RGS10: variants seen among roughly 807,000 people sequenced by gnomAD.
The protein encoded by RGS10 is regulator of G-protein signalling 10.
In RGS10, 11 loss-of-function variants were observed where a neutral mutation model predicts 23.5. That is an observed-to-expected ratio of 0.47 (90% CI 0.29 to 0.77). The LOEUF (loss-of-function observed/expected upper bound fraction) is 0.77, where lower values mean the gene tolerates loss of function less well. Ranked by LOEUF, RGS10 falls within the 30% of genes least tolerant of loss-of-function variation. The pLI is 0.08. For synonymous variants in RGS10, 77 were observed against 83.2 expected (o/e 0.92, Z 0.41); for missense variants, 180 against 226.3 (o/e 0.80, Z 1.31).
At chr10:119,500,399 G>C in intron 4 of RGS10, 140 bp from the exon 5 acceptor site, 2 of 770,452 alleles carry the variant, frequency 2.6e-6, no homozygotes, top group South Asian at 2.5e-5. Flanking sequence ...GCTCAAATAA[G>C]TCATCTGCTA....
intron 3 of RGS10, among the ~76,000 whole-genome samples, chr10:119,518,080 C>T (rs1188009142): frequency 6.6e-6 from 1 of 152,232 alleles, no homozygotes; most frequent in Admixed American, 6.5e-5. Context: ...AAAGAAGAAA[C>T]AGTCTGTGGA....
chr10:119,527,534 C>G lies in RGS10; in HGVS notation c.50-110G>C. On this transcript the variant is annotated intron_variant, in intron 1 of 4. Coordinates refer to ENST00000369103, the MANE Select transcript of RGS10 (RefSeq NM_001005339.2). The surrounding 1 kb of genome is among the most constrained non-coding windows in gnomAD (Gnocchi z 4.2). ...CACCATCACGGCTGACATACACCGA[C>G]TTATGCGTCAGGCTCTGTTCTAGGT... 1 of 799,344 alleles carries G rather than the reference C, an allele frequency of 1.3e-6. No homozygotes were observed. 49.5% of individuals were successfully genotyped at this position (799,344 alleles called of 1,614,324 possible). A position where few individuals can be genotyped will look rare whatever the true frequency, so the allele number is the denominator to read the frequency against.
In RGS10 at chr10:119,518,000, G is replaced by A. The variant is rs1174790572; in HGVS notation, c.256-2348C>T. On this transcript the variant is annotated intron_variant, in intron 3 of 4. Transcript: ENST00000369103. The surrounding 1 kb of genome is among the most constrained non-coding windows in gnomAD (Gnocchi z 5.0). ...GAGCTAGGAAGTATGACTGAAAAGGGAAACCCTGAGACGGCGACCACAAGC... is the reference window on the plus strand; with the variant it reads ...GAGCTAGGAAGTATGACTGAAAAGGAAAACCCTGAGACGGCGACCACAAGC... Among the ~76,000 whole-genome samples the A allele has an allele frequency of 1.3e-5, 2 of 152,184 alleles. No individual in the cohort carries two copies. The highest frequency in any genetic ancestry group is 2.4e-5 in the African/African-American group (1 of 41,452).
intron 1 of RGS10, among the ~76,000 whole-genome samples, chr10:119,534,125 C>T (rs1844359147): frequency 6.6e-6 from 1 of 151,740 alleles, no homozygotes; most frequent in South Asian, 2.1e-4. Flanking sequence ...TATGGTGGTG[C>T]ACTCCTGTAA....
chr10:119,539,203 C>T (rs1277494591), intron 1 of RGS10, among the ~76,000 whole-genome samples: 1 of 152,210 alleles, frequency 6.6e-6, no homozygotes, highest in Non-Finnish European at 1.5e-5. Context: ...TGATATTCTG[C>T]AGAGAAAGTT....
At chr10:119,503,890 C>G (rs1843981330) in intron 4 of RGS10, among the ~76,000 whole-genome samples, 1 of 152,196 alleles carries the variant, frequency 6.6e-6, no homozygotes, top group South Asian at 2.1e-4. Flanking sequence ...CTTTAAAGCC[C>G]TATCTCCAAA....
chr10:119,504,653 A>G (rs1188468259), intron 4 of RGS10, among the ~76,000 whole-genome samples: 1 of 152,190 alleles, frequency 6.6e-6, no homozygotes, highest in African/African-American at 2.4e-5. Flanking sequence ...TACTGCATTT[A>G]GGGTAGGCCC....
rs1485964723 is a variant in RGS10 at position 119,527,247 on chromosome 10, G to A, written c.168+59C>T. 1 of 1,236,840 alleles carries A rather than the reference G, an allele frequency of 8.1e-7. No homozygotes were observed. Among genetic ancestry groups the A allele is most frequent in the African/African-American group, 1.5e-5 (1 of 67,714 alleles). The allele number at this position is 1,236,840 out of a possible 1,614,324, so 76.6% of individuals were successfully genotyped here. A position where few individuals can be genotyped will look rare whatever the true frequency, so the allele number is the denominator to read the frequency against. On this transcript the variant is annotated intron_variant, in intron 2 of 4. Transcript: ENST00000369103. The surrounding 1 kb of genome is among the most constrained non-coding windows in gnomAD (Gnocchi z 4.2). ...TTGAACTGGCCTATTTCTCCCCTGTGTGCATCTGAACTTCTGCACACACTG... is the reference window on the plus strand; with the variant it reads ...TTGAACTGGCCTATTTCTCCCCTGTATGCATCTGAACTTCTGCACACACTG...
intron 1 of RGS10, chr10:119,536,463 C>T (rs1036077599): frequency 3.1e-6 from 5 of 1,613,018 alleles, no homozygotes; most frequent in Admixed American, 1.7e-5. Flanking sequence ...CGATTCCTTA[C>T]GTTCCATGCT....
At chr10:119,525,530 G>A (rs1373502417) in intron 3 of RGS10, among the ~76,000 whole-genome samples, 1 of 152,158 alleles carries the variant, frequency 6.6e-6, no homozygotes, top group Non-Finnish European at 1.5e-5. Flanking sequence ...CCAACCAGCT[G>A]ACACTGGGAA....
At chr10:119,504,027 C>T (rs1843982605) in intron 4 of RGS10, among the ~76,000 whole-genome samples, 1 of 152,236 alleles carries the variant, frequency 6.6e-6, no homozygotes, top group African/African-American at 2.4e-5. Context: ...AGCCCCCACT[C>T]CCAACCATGA....
At chr10:119,523,307 G>A (rs1263933505) in intron 3 of RGS10, among the ~76,000 whole-genome samples, 1 of 152,164 alleles carries the variant, frequency 6.6e-6, no homozygotes, top group Non-Finnish European at 1.5e-5. Context: ...ACAGGAGGGT[G>A]GCATTCATTG....
At chr10:119,534,177 A>AC in intron 1 of RGS10, among the ~76,000 whole-genome samples, 1 of 151,762 alleles carries the variant, frequency 6.6e-6, no homozygotes, top group East Asian at 1.9e-4. Context: ...AATCACTTGA[A>AC]CCCGGGAGGC....
At position 119,515,625 on chromosome 10, in the gene RGS10, T is replaced by C. The variant is rs553298171; in HGVS notation, c.283A>G (p.Met95Val). 19 of 1,614,032 alleles carry C rather than the reference T, an allele frequency of 1.2e-5. No individual in the cohort carries two copies. The highest frequency in any genetic ancestry group is 8.9e-5 in the East Asian group (4 of 44,886). ...QMQEKAKEIY[M>V]TFLSSKASSQ... ...GAGGCCTTGCTGGACAGAAAGGTCATGTAGATCTCCTTTGCCTTTTCCTGC... is the reference window on the plus strand; with the variant it reads ...GAGGCCTTGCTGGACAGAAAGGTCACGTAGATCTCCTTTGCCTTTTCCTGC... Residue 95 changes from methionine (M) to valine (V), a missense_variant, in exon 4 of 5, where the codon ATG (methionine) becomes GTG (valine). Met to Val is a conservative substitution (Grantham distance 21, BLOSUM62 1). Transcript: ENST00000369103.
chr10:119,538,831 G>A lies in RGS10; in HGVS notation c.49+3759C>T, dbSNP rs772200897. Among the ~76,000 whole-genome samples, 24 of 152,238 alleles carry A rather than the reference G, an allele frequency of 1.6e-4. No individual in the cohort carries two copies. The highest frequency in any genetic ancestry group is 3.9e-4 in the East Asian group (2 of 5,180). ...CTGCTGCAGCAAAGAACTATCTGGG[G>A]GAAGCAGAAGAAACTTGGGGGCATA... On this transcript the variant is annotated intron_variant, in intron 1 of 4. Transcript: ENST00000369103. This position sits in a 1 kb window ranked among gnomAD's most constrained non-coding sequence, Gnocchi z 4.5.
Position 119,534,484 on chromosome 10 carries a change from G to A in RGS10, c.50-7060C>T, listed in dbSNP as rs192371530. 8.9e-3 allele frequency among the ~76,000 whole-genome samples: 1,341 copies of A among 151,082 alleles called. 18 individuals carry two copies. The highest frequency in any genetic ancestry group is 0.031 in the African/African-American group (1,287 of 41,074). ...CACGTGCCTATAGTCTCAGCTACTC[G>A]GGAGGCTGAGGCAGAAGAATTGCTT... On this transcript the variant is annotated intron_variant, in intron 1 of 4. Coordinates refer to ENST00000369103, the MANE Select transcript of RGS10 (RefSeq NM_001005339.2).
chr10:119,537,499 AG>A (rs1651127809), intron 1 of RGS10, among the ~76,000 whole-genome samples: 1 of 152,222 alleles, frequency 6.6e-6, no homozygotes, highest in Non-Finnish European at 1.5e-5. Flanking sequence ...TTTACAGATC[AG>A]GAAACTGAGG....
chr10:119,503,644 A>C (rs1025717309), intron 4 of RGS10, among the ~76,000 whole-genome samples: 3 of 152,184 alleles, frequency 2.0e-5, no homozygotes, highest in Non-Finnish European at 2.9e-5. Flanking sequence ...TGACAGAGGA[A>C]GAAACGAGGG....
chr10:119,538,713 T>C lies in RGS10; in HGVS notation c.49+3877A>G, dbSNP rs1237230395. ...GTCCCCACAAGTCTGCAAGGGACTG[T>C]CTCACTCCAGCGGATGCCGCCTGAC... On this transcript the variant is annotated intron_variant, in intron 1 of 4. Coordinates refer to ENST00000369103, the MANE Select transcript of RGS10 (RefSeq NM_001005339.2). This position sits in a 1 kb window ranked among gnomAD's most constrained non-coding sequence, Gnocchi z 4.5. 6.6e-6 allele frequency among the ~76,000 whole-genome samples: 1 copy of C among 152,084 alleles called. No individual in the cohort carries two copies. Among genetic ancestry groups the C allele is most frequent in the Non-Finnish European group, 1.5e-5 (1 of 68,006 alleles).
Sources: allele counts gnomAD v4.1 joint callset (sites outside exome capture counted in the v4.1 genomes callset), GRCh38; gene constraint gnomAD v4.1.1; non-coding constraint Gnocchi (gnomAD v3.1); transcripts MANE v1.5; gene names NCBI Gene and HGNC (gene_info 2026-07-23, HGNC 2026-07-21).